TMBIM1: variants seen among roughly 807,000 people sequenced by gnomAD.
TMBIM1 encodes the protein protein lifeguard 3.
TMBIM1 carries 34 observed loss-of-function variants against 45.1 expected under a neutral mutation model. The observed-to-expected ratio is 0.75, with a 90% CI of 0.57 to 1.00. The LOEUF (loss-of-function observed/expected upper bound fraction) is 1.00, where lower values mean the gene tolerates loss of function less well. TMBIM1 is among the 50% of genes least tolerant of loss of function. The pLI, the probability that TMBIM1 is intolerant of heterozygous loss-of-function variation, is 0.00. For missense variants in TMBIM1, 374 were observed against 402.4 expected (o/e 0.93, Z 0.60); for synonymous variants, 157 against 153.5 (o/e 1.02, Z -0.17).
intron 6 of TMBIM1, 36 bp from the exon 7 acceptor site, chr2:218,278,010 G>T (rs776203040): frequency 1.9e-6 from 3 of 1,612,884 alleles, no homozygotes; most frequent in Non-Finnish European, 2.5e-6. Flanking sequence ...AAATGACTTG[G>T]GGCCCCTCAG....
intron 1 of TMBIM1, among the ~76,000 whole-genome samples, chr2:218,289,408 G>A (rs568719422): frequency 3.9e-5 from 6 of 152,162 alleles, no homozygotes; most frequent in East Asian, 1.9e-4. Context: ...TTGGGAGGCC[G>A]AGCCAGGCGG....
chr2:218,276,448 G>C (rs1172777225), intron 10 of TMBIM1, among the ~76,000 whole-genome samples: 2 of 152,068 alleles, frequency 1.3e-5, no homozygotes, highest in Non-Finnish European at 2.9e-5. Flanking sequence ...AAGAAGGGAG[G>C]CCCCCCAACC....
chr2:218,277,870 C>T, intron 7 of TMBIM1, 65 bp downstream of exon 7: 3 of 1,608,254 alleles, frequency 1.9e-6, no homozygotes, highest in South Asian at 2.2e-5. Context: ...GGGTCCCCAT[C>T]CCTTCCCTGG....
chr2:218,283,406 G>A (rs1187974497), intron 1 of TMBIM1, among the ~76,000 whole-genome samples: 2 of 152,200 alleles, frequency 1.3e-5, no homozygotes, highest in African/African-American at 4.8e-5. Flanking sequence ...ACTGTCCTCT[G>A]GGCCTGGTGG....
At chr2:218,277,592 A>G in intron 8 of TMBIM1, 41 bp downstream of exon 8, 1 of 1,613,960 alleles carries the variant, frequency 6.2e-7, no homozygotes, top group Non-Finnish European at 8.5e-7. Context: ...ACTCCCCACA[A>G]TACACATTTC....
intron 1 of TMBIM1, among the ~76,000 whole-genome samples, chr2:218,288,306 G>A (rs1035458309): frequency 6.6e-6 from 1 of 152,244 alleles, no homozygotes; most frequent in Non-Finnish European, 1.5e-5. Flanking sequence ...GCGGACGCCT[G>A]TAGTCCCAGC....
rs1000286203 is a variant in TMBIM1 at position 218,276,914 on chromosome 2, G to A, written c.735+90C>T. 4.0e-5 allele frequency: 43 copies of A among 1,072,058 alleles called. No homozygotes were observed. In the Admixed American group the frequency reaches 5.1e-4, roughly 13 times the overall value. 66.4% of individuals were successfully genotyped at this position (1,072,058 alleles called of 1,614,324 possible). Reference sequence around the variant, plus strand: ...GGTTCTGGAGGTCAGAGCCTGCCCCGGGGACCTTTGGGGCCTGCGAGACCA... The same window carrying A: ...GGTTCTGGAGGTCAGAGCCTGCCCCAGGGACCTTTGGGGCCTGCGAGACCA... On this transcript the variant is annotated intron_variant, in intron 10 of 11. Coordinates refer to ENST00000258412, the MANE Select transcript of TMBIM1 (RefSeq NM_022152.6).
chr2:218,277,956 G>A lies in TMBIM1; in HGVS notation c.492C>T (p.Asn164=). 1 of 1,614,198 alleles carries A rather than the reference G, an allele frequency of 6.2e-7. No homozygotes were observed. Among genetic ancestry groups the A allele is most frequent in the Non-Finnish European group, 8.5e-7 (1 of 1,180,036 alleles). Residue 164 remains asparagine, a synonymous_variant, in exon 7 of 12, where the codon AAC becomes AAT. Transcript: ENST00000258412. ...CQGPRRRFPW[N]IILLTLFTFA... is the part of the protein sequence containing the mutation. ...TTACAAAAAGGGTCAGCAGAATGAT[G>A]TTCCATGGGAAACGGCGTCTGAAGG...
chr2:218,280,062 C>G lies in TMBIM1; in HGVS notation c.267G>C (p.Trp89Cys). 1 of 1,614,166 alleles carries G rather than the reference C, an allele frequency of 6.2e-7. No homozygotes were observed. Among genetic ancestry groups the G allele is most frequent in the Non-Finnish European group, 8.5e-7 (1 of 1,179,996 alleles). The part of the protein sequence containing the change: ...AVSDSFGPGE[W>C]DDRKVRHTFI... The stretch of plus-strand genomic sequence containing the variant: ...AAGTGTGTCGCACTTTCCGGTCATC[C>G]CACTCTCCAGGCCCGAAGCTATCAC... Residue 89 changes from tryptophan to cysteine, a missense_variant, in exon 3 of 12, where the codon TGG becomes TGC. Transcript: ENST00000258412.
At chr2:218,286,416 G>C (rs796275212) in intron 1 of TMBIM1, 16 of 152,066 alleles carry the variant, frequency 1.1e-4, no homozygotes, top group Admixed American at 5.9e-4. Context: ...ATTCTTCCTT[G>C]CCTCACAATG....
Position 218,281,130 on chromosome 2 carries a change from T to TTTTTTTTTTTTTGGTTTTTTTTTGG in TMBIM1, c.202+809_202+810insCCAAAAAAAAACCAAAAAAAAAAAA, listed in dbSNP as rs71064426. ...TTTTTTTGTTTTGTTTTGTTTTTTG[T>TTTTTTTTTTTTTGGTTTTTTTTTGG]TTTTTTTTTGGTTTTTTTTTTGAGA... On this transcript the variant is annotated intron_variant, in intron 2 of 11. Transcript: ENST00000258412. 8 of 117,354 alleles carry TTTTTTTTTTTTTGGTTTTTTTTTGG rather than the reference T, an allele frequency of 6.8e-5. No homozygotes were observed. The South Asian group carries it at 2.4e-3, about 36-fold the overall frequency. The allele number at this position is 117,354 out of a possible 1,614,324, so 7.3% of individuals were successfully genotyped here.
At position 218,279,312 on chromosome 2, in the gene TMBIM1, G is replaced by A; in HGVS notation, c.345C>T (p.Ala115=). The A allele has an allele frequency of 6.3e-7, 1 of 1,589,710 alleles. No individual in the cohort carries two copies. Among genetic ancestry groups the A allele is most frequent in the South Asian group, 1.1e-5 (1 of 87,464 alleles). ...IISVQLLITV[A]IIAIFTFVEP... is the part of the protein sequence containing the mutation. The stretch of plus-strand genomic sequence containing the variant: ...ACACAAAGGTGAAGATAGCAATGAT[G>A]GCCACAGTGATGAGCAGCTGCACGG... The change falls in exon 4 of 12, where the codon GCC becomes GCT. Residue 115 remains alanine, a synonymous_variant. Coordinates refer to ENST00000258412, the MANE Select transcript of TMBIM1 (RefSeq NM_022152.6).
At chr2:218,287,736 C>T (rs548223381) in intron 1 of TMBIM1, among the ~76,000 whole-genome samples, 277 of 152,034 alleles carry the variant, frequency 1.8e-3, no homozygotes, top group African/African-American at 6.1e-3. Context: ...CAGCCCTCGA[C>T]TTCTGGCCCC....
chr2:218,289,635 A>AAT (rs1692799692), intron 1 of TMBIM1, among the ~76,000 whole-genome samples: 2 of 150,932 alleles, frequency 1.3e-5, no homozygotes, highest in South Asian at 2.1e-4. Context: ...GAAAAAAAAA[A>AAT]AAAAAAAAAA....
At chr2:218,275,770 A>C in intron 11 of TMBIM1, 149 bp from the exon 12 acceptor site, 1 of 1,035,356 alleles carries the variant, frequency 9.7e-7, no homozygotes, top group South Asian at 1.7e-5. Context: ...TCTATACTGT[A>C]GCTGCTCACA....
intron 10 of TMBIM1, 95 bp downstream of exon 10, chr2:218,276,909 G>T (rs1691273617): frequency 2.0e-6 from 2 of 1,015,052 alleles, no homozygotes; most frequent in Non-Finnish European, 3.0e-6. Context: ...GTCAGAGCCT[G>T]CCCCGGGGAC....
At chr2:218,291,058 G>T (rs1205377604) in intron 1 of TMBIM1, among the ~76,000 whole-genome samples, 2 of 152,168 alleles carry the variant, frequency 1.3e-5, no homozygotes, top group African/African-American at 2.4e-5. Flanking sequence ...GGTGCTCTGA[G>T]GTAGACAGCG....
intron 1 of TMBIM1, among the ~76,000 whole-genome samples, chr2:218,289,782 A>T (rs750419456): frequency 3.3e-5 from 5 of 152,130 alleles, no homozygotes; most frequent in South Asian, 2.1e-4. Context: ...GTTTCCAAGG[A>T]CATCTTCAGA....
chr2:218,278,286 C>T, intron 6 of TMBIM1: 1 of 611,618 alleles, frequency 1.6e-6, no homozygotes, highest in Non-Finnish European at 2.9e-6. Flanking sequence ...TGTTAACTGG[C>T]TAAAATGCTA....
Sources: allele counts gnomAD v4.1 joint callset (sites outside exome capture counted in the v4.1 genomes callset), GRCh38; gene constraint gnomAD v4.1.1; transcripts MANE v1.5; gene names NCBI Gene and HGNC (gene_info 2026-07-23, HGNC 2026-07-21).